ANO3: variants seen among roughly 807,000 people sequenced by gnomAD.
ANO3 encodes anoctamin 3.
ANO3 carries 99 observed loss-of-function variants against 144.8 expected under a neutral mutation model. The ratio of observed to expected loss-of-function variants is 0.68; its 90% confidence interval spans 0.58 to 0.81. The LOEUF is 0.81. Among genes scored for constraint, ANO3 ranks in the 30% least tolerant of loss-of-function variants. ANO3 has a pLI of 0.00. For synonymous variants in ANO3, 414 were observed against 392.6 expected (o/e 1.05, Z -0.64); for missense variants, 905 against 1,202.2 (o/e 0.75, Z 3.66).
At chr11:26,520,958 G>A (rs993683961) in intron 6 of ANO3, among the ~76,000 whole-genome samples, 1 of 151,996 alleles carries the variant, frequency 6.6e-6, no homozygotes, top group African/African-American at 2.4e-5. Flanking sequence ...TGTAATACTG[G>A]TGTTCTTGAG....
chr11:26,434,041 T>C (rs1035608978), intron 1 of ANO3, among the ~76,000 whole-genome samples: 6 of 152,118 alleles, frequency 3.9e-5, no homozygotes, highest in Non-Finnish European at 8.8e-5. Flanking sequence ...TTTTTTTGGT[T>C]GTTAGGTGAT....
intron 1 of ANO3, among the ~76,000 whole-genome samples, chr11:26,215,637 A>G (rs1206520777): frequency 6.6e-6 from 1 of 152,052 alleles, no homozygotes; most frequent in Non-Finnish European, 1.5e-5. Context: ...CAGTAATTCA[A>G]CATTGCTACT....
At chr11:26,542,150 C>T (rs781152364) in intron 11 of ANO3, 82 bp downstream of exon 11, 29 of 1,462,084 alleles carry the variant, frequency 2.0e-5, no homozygotes, top group Non-Finnish European at 2.6e-5. Flanking sequence ...TTATTGTGCT[C>T]ACCAGTGAGG....
At chr11:26,595,487 T>A (rs978306284) in intron 14 of ANO3, among the ~76,000 whole-genome samples, 5 of 132,554 alleles carry the variant, frequency 3.8e-5, no homozygotes, top group East Asian at 2.2e-4. Context: ...TTTTTTTTTT[T>A]ATTCTGTAAG....
intron 1 of ANO3, chr11:26,427,506 G>A (rs138122106): frequency 6.6e-6 from 1 of 152,138 alleles, no homozygotes; most frequent in Non-Finnish European, 1.5e-5. Flanking sequence ...GAAAATATAA[G>A]ACATTTCAAA....
chr11:26,460,089 A>G (rs1373149437), intron 3 of ANO3: 2 of 454,412 alleles, frequency 4.4e-6, no homozygotes, highest in Non-Finnish European at 8.8e-6. Context: ...CCTGGACCAA[A>G]CAAACCATAT....
intron 1 of ANO3, among the ~76,000 whole-genome samples, chr11:26,277,802 T>C (rs778217277): frequency 5.3e-5 from 8 of 152,060 alleles, no homozygotes; most frequent in African/African-American, 1.4e-4. Context: ...TCATACTACA[T>C]CATCTCTGGA....
intron 1 of ANO3, among the ~76,000 whole-genome samples, chr11:26,243,918 T>C (rs11029420): frequency 0.017 from 2,526 of 152,010 alleles, 58 homozygotes; most frequent in East Asian, 0.13. Flanking sequence ...AGGAGTTCGA[T>C]ACCAGCCTGG....
At chr11:26,307,950 C>A (rs1004238117), upstream of ANO3, among the ~76,000 whole-genome samples, 1 of 152,024 alleles carries the variant, frequency 6.6e-6, no homozygotes, top group Non-Finnish European at 1.5e-5. Flanking sequence ...TTTTACACTT[C>A]ACTCATTATT....
At chr11:26,346,748 T>A (rs1009526810) in intron 1 of ANO3, among the ~76,000 whole-genome samples, 8 of 152,176 alleles carry the variant, frequency 5.3e-5, no homozygotes, top group African/African-American at 1.9e-4. Flanking sequence ...AGATTTGACA[T>A]CTGCTGAGGA....
chr11:26,288,165 A>T (rs1389083531), intron 1 of ANO3, among the ~76,000 whole-genome samples: 1 of 152,228 alleles, frequency 6.6e-6, no homozygotes, highest in East Asian at 1.9e-4. Context: ...GAAGCAGGGT[A>T]GAGTGGAGAG....
chr11:26,269,656 TCA>T (rs1168821573), intron 1 of ANO3, among the ~76,000 whole-genome samples: 1 of 152,218 alleles, frequency 6.6e-6, no homozygotes, highest in Non-Finnish European at 1.5e-5. Context: ...TCTGGCTCTC[TCA>T]GTCATCATCC....
chr11:26,622,066 A>T lies in ANO3; in HGVS notation c.1837-2396A>T, dbSNP rs570410159. Among the ~76,000 whole-genome samples, 37 of 152,282 alleles carry T rather than the reference A, an allele frequency of 2.4e-4. No homozygotes were observed. In the East Asian group the frequency reaches 6.6e-3, roughly 27 times the overall value. The stretch of plus-strand genomic sequence containing the variant: ...ATTTATTTTTGTAGTCTGTAGTTTG[A>T]GATTTAACAATTCATTCTGCTTGAA... On this transcript the variant is annotated intron_variant, in intron 17 of 26. Coordinates refer to ENST00000256737, the MANE Select transcript of ANO3 (RefSeq NM_031418.4).
chr11:26,338,680 A>T (rs1855262909), intron 1 of ANO3, among the ~76,000 whole-genome samples: 1 of 152,132 alleles, frequency 6.6e-6, no homozygotes, highest in African/African-American at 2.4e-5. Flanking sequence ...TCCTGAAGTC[A>T]ACGAGACCAT....
At chr11:26,305,646 T>A (rs1854363741), upstream of ANO3, among the ~76,000 whole-genome samples, 1 of 152,224 alleles carries the variant, frequency 6.6e-6, no homozygotes, top group Non-Finnish European at 1.5e-5. Context: ...AAAGATGAAC[T>A]AATCTTACAT....
At chr11:26,318,195 C>T (rs966509547) in intron 1 of ANO3, among the ~76,000 whole-genome samples, 1 of 152,212 alleles carries the variant, frequency 6.6e-6, no homozygotes, top group South Asian at 2.1e-4. Flanking sequence ...CACCGCAGCA[C>T]GTGTATAACT....
intron 1 of ANO3, among the ~76,000 whole-genome samples, chr11:26,237,944 TAAAG>T (rs1401683665): frequency 6.6e-6 from 1 of 152,166 alleles, no homozygotes. Context: ...GACTCTAAAA[TAAAG>T]AGTCTTTATC....
At chr11:26,332,897 G>C (rs1422630647) in intron 1 of ANO3, among the ~76,000 whole-genome samples, 1 of 152,090 alleles carries the variant, frequency 6.6e-6, no homozygotes, top group African/African-American at 2.4e-5. Context: ...TTCTCTTCTA[G>C]GGGCTTCGTA....
At chr11:26,429,259 T>A (rs1858009155) in intron 1 of ANO3, among the ~76,000 whole-genome samples, 1 of 152,148 alleles carries the variant, frequency 6.6e-6, no homozygotes. Flanking sequence ...TGCAGGAACC[T>A]GTCCAGCAAA....
Sources: gnomAD v4.1 joint callset for allele counts (sites outside exome capture counted in the v4.1 genomes callset) on GRCh38, gnomAD v4.1.1 for gene constraint, MANE v1.5 for transcripts, NCBI Gene and HGNC (gene_info 2026-07-23, HGNC 2026-07-21) for gene names.